Variants in GATA6 observed in about 807,000 individuals in gnomAD.
The protein encoded by GATA6 is GATA binding protein 6.
GATA6 carries 11 observed loss-of-function variants against 48.1 expected under a neutral mutation model. The observed-to-expected ratio is 0.23, with a 90% CI of 0.14 to 0.38. The LOEUF is 0.38. GATA6 is among the 10% of genes least tolerant of loss of function. GATA6 has a pLI of 1.00. For synonymous variants in GATA6, 419 were observed against 396.1 expected, an observed-to-expected ratio of 1.06 and a Z score of -0.69; for missense variants, 795 against 850.3, an observed-to-expected ratio of 0.93 and a Z score of 0.81.
rs140978504 is a variant in GATA6, at chr18:22,187,107, G to A, written c.1620+4064G>A. ...ATGGTTGCTTTCTGTGGCAAAAATA[G>A]TCTTTCTTTCTGGCTAAGAATTTTC... On this transcript the variant is annotated intron_variant, in intron 6 of 6. Transcript: ENST00000269216. 5.0e-3 allele frequency among the ~76,000 whole-genome samples: 758 copies of A among 152,302 alleles called. 9 individuals are homozygous for A. The highest frequency in any genetic ancestry group is 0.017 in the African/African-American group (722 of 41,564).
intron 6 of GATA6, among the ~76,000 whole-genome samples, chr18:22,187,701 C>T (rs2033279727): frequency 6.6e-6 from 1 of 152,036 alleles, no homozygotes; most frequent in Non-Finnish European, 1.5e-5. Context: ...CCTCCTATAA[C>T]TCAAAATTTG....
intron 2 of GATA6, among the ~76,000 whole-genome samples, chr18:22,175,183 C>T (rs996861466): frequency 1.3e-5 from 2 of 151,988 alleles, no homozygotes; most frequent in Non-Finnish European, 2.9e-5. Context: ...ATTATAGCTG[C>T]CTGGTGGGTT....
In GATA6 at chr18:22,171,471, G is replaced by T; in HGVS notation, c.327G>T (p.Trp109Cys). ...GCCCCGGGGGCAACCTGTCGAGCTG[G>T]GAGGACTTGCTGCTGTTCACTGACC... Reference protein sequence around the residue: ...VAGPGGNLSSWEDLLLFTDLD... With the variant: ...VAGPGGNLSSCEDLLLFTDLD... Residue 109 changes from tryptophan to cysteine, a missense_variant, in exon 2 of 7, where the codon TGG becomes TGT. Physicochemically the swap from Trp to Cys is radical, Grantham distance 215. This residue lies in a region of GATA6 where 591 missense variants were observed against 570.0 expected (regional missense o/e 1.04). Transcript: ENST00000269216. The surrounding 1 kb of genome is among the most constrained non-coding windows in gnomAD (Gnocchi z 7.1). The T allele has an allele frequency of 6.2e-7, 1 of 1,600,322 alleles. No homozygotes were observed.
At chr18:22,178,282 G>A (rs979344022) in intron 3 of GATA6, among the ~76,000 whole-genome samples, 30 of 152,076 alleles carry the variant, frequency 2.0e-4, no homozygotes, top group African/African-American at 6.5e-4. Context: ...TTTAAAGTAA[G>A]GGAATCCTGA....
chr18:22,187,183 T>C (rs995702924), intron 6 of GATA6, among the ~76,000 whole-genome samples: 4 of 152,238 alleles, frequency 2.6e-5, no homozygotes, highest in Non-Finnish European at 5.9e-5. Flanking sequence ...TCTAAATAGA[T>C]ATCAGTTTTT....
intron 3 of GATA6, among the ~76,000 whole-genome samples, chr18:22,180,684 T>G (rs1446515441): frequency 6.6e-6 from 1 of 151,744 alleles, no homozygotes; most frequent in Non-Finnish European, 1.5e-5. Flanking sequence ...TTTCTTTTTT[T>G]TTTTTAAAAA....
At position 22,171,156 on chromosome 18, in the gene GATA6, T is replaced by C. The variant is rs746156401; in HGVS notation, c.12T>C (p.Thr4=). 6.2e-7 allele frequency: 1 copy of C among 1,600,082 alleles called. No homozygotes were observed. The highest frequency in any genetic ancestry group is 1.1e-5 in the South Asian group (1 of 90,956). ...GCGCCGGACCGTGGATGGCCTTGAC[T>C]GACGGCGGCTGGTGCTTGCCGAAGC... The part of the protein sequence containing the change: MAL[T]DGGWCLPKRF... Residue 4 remains threonine, a synonymous_variant, in exon 2 of 7, where the codon ACT becomes ACC. Transcript: ENST00000269216. This position sits in a 1 kb window ranked among gnomAD's most constrained non-coding sequence, Gnocchi z 7.1.
chr18:22,177,052 C>T lies in GATA6; in HGVS notation c.1233C>T (p.Cys411=). 1 of 1,576,696 alleles carries T rather than the reference C, an allele frequency of 6.3e-7. No individual in the cohort carries two copies. The highest frequency in any genetic ancestry group is 8.6e-7 in the Non-Finnish European group (1 of 1,162,938). ...GGGACGGCACCGGCCACTACCTGTG[C>T]AACGCCTGCGGGCTCTACAGCAAGA... ...WRRDGTGHYL[C]NACGLYSKMN... is the part of the protein sequence containing the mutation. Residue 411 remains cysteine (C), a synonymous_variant, in exon 3 of 7, where the codon TGC becomes TGT. Transcript: ENST00000269216.
rs951413448 is a variant in GATA6 at position 22,172,534 on chromosome 18, T to C, written c.1135+255T>C. ...CCACGGATGAGACTAAATGCACATC[T>C]GTACCTTCGTGCCTTGGGGAAGCTC... On this transcript the variant is annotated intron_variant, in intron 2 of 6. Coordinates refer to ENST00000269216, the MANE Select transcript of GATA6 (RefSeq NM_005257.6). The surrounding 1 kb of genome is among the most constrained non-coding windows in gnomAD (Gnocchi z 5.2). Among the ~76,000 whole-genome samples the C allele has an allele frequency of 6.6e-6, 1 of 152,230 alleles. No homozygotes were observed. Among genetic ancestry groups the C allele is most frequent in the Non-Finnish European group, 1.5e-5 (1 of 68,038 alleles).
Position 22,172,721 on chromosome 18 carries a change from C to A in GATA6, c.1135+442C>A, listed in dbSNP as rs950120932. On this transcript the variant is annotated intron_variant, in intron 2 of 6. Coordinates refer to ENST00000269216, the MANE Select transcript of GATA6 (RefSeq NM_005257.6). This position sits in a 1 kb window ranked among gnomAD's most constrained non-coding sequence, Gnocchi z 5.2. The stretch of plus-strand genomic sequence containing the variant: ...AGAGTGGCGGGCACTTGATCCACCC[C>A]CAAACAGACACACAAGCACATGCAG... Among the ~76,000 whole-genome samples, 1 of 152,178 alleles carries A rather than the reference C, an allele frequency of 6.6e-6. No homozygotes were observed. The highest frequency in any genetic ancestry group is 1.5e-5 in the Non-Finnish European group (1 of 68,038).
intron 6 of GATA6, among the ~76,000 whole-genome samples, chr18:22,187,193 T>C (rs565683406): frequency 6.6e-6 from 1 of 152,326 alleles, no homozygotes; most frequent in South Asian, 2.1e-4. Context: ...TATCAGTTTT[T>C]CTTTGGGCTG....
intron 1 of GATA6, 42 bp downstream of exon 1, chr18:22,169,724 C>A (rs985253073): frequency 1.3e-5 from 2 of 152,276 alleles, no homozygotes; most frequent in African/African-American, 2.4e-5. Flanking sequence ...CGCTTTCCTC[C>A]CCTCCACCCC....
chr18:22,187,673 C>T (rs2033279305), intron 6 of GATA6, among the ~76,000 whole-genome samples: 1 of 151,880 alleles, frequency 6.6e-6, no homozygotes, highest in Non-Finnish European at 1.5e-5. Flanking sequence ...CACAAATGGT[C>T]CTACTCCTCC....
At chr18:22,176,902 A>G in intron 2 of GATA6, 53 bp from the exon 3 acceptor site, 1 of 1,507,656 alleles carries the variant, frequency 6.6e-7, no homozygotes, top group East Asian at 2.6e-5. Flanking sequence ...TGACGCGGGG[A>G]GGGACGGGTC....
intron 6 of GATA6, among the ~76,000 whole-genome samples, chr18:22,191,124 A>G (rs1009523522): frequency 6.6e-6 from 1 of 151,334 alleles, no homozygotes; most frequent in Non-Finnish European, 1.5e-5. Context: ...TGCTACATCA[A>G]TATCCAATGG....
intron 6 of GATA6, among the ~76,000 whole-genome samples, chr18:22,190,364 AC>A (rs1360603422): frequency 6.6e-6 from 1 of 152,246 alleles, no homozygotes; most frequent in African/African-American, 2.4e-5. Flanking sequence ...AGATTGCCAT[AC>A]TGAAATCCTT....
chr18:22,200,415 T>G (rs976494898), intron 6 of GATA6, among the ~76,000 whole-genome samples: 1 of 152,190 alleles, frequency 6.6e-6, no homozygotes, highest in African/African-American at 2.4e-5. Context: ...TTCTAAAGTT[T>G]CGAAGGCTTA....
chr18:22,185,008 T>C lies in GATA6; in HGVS notation c.1620+1965T>C, dbSNP rs1377472755. On this transcript the variant is annotated intron_variant, in intron 6 of 6. Transcript: ENST00000269216. This position sits in a 1 kb window ranked among gnomAD's most constrained non-coding sequence, Gnocchi z 4.3. ...GAATGATAAATTGCACTGAGGTCGA[T>C]ATATACCCAACAATGGGCTTCGGGG... 6.6e-6 allele frequency among the ~76,000 whole-genome samples: 1 copy of C among 152,186 alleles called. No individual in the cohort carries two copies. The highest frequency in any genetic ancestry group is 1.5e-5 in the Non-Finnish European group (1 of 68,026).
At chr18:22,180,453 G>A (rs1158974797) in intron 3 of GATA6, among the ~76,000 whole-genome samples, 1 of 152,060 alleles carries the variant, frequency 6.6e-6, no homozygotes, top group Non-Finnish European at 1.5e-5. Flanking sequence ...CAGACAGGTG[G>A]CCTTTTACCT....
Sources: allele counts gnomAD v4.1 joint callset (sites outside exome capture counted in the v4.1 genomes callset), GRCh38; gene constraint gnomAD v4.1.1; regional missense constraint gnomAD v4.1.1; non-coding constraint Gnocchi (gnomAD v3.1); transcripts MANE v1.5; gene names NCBI Gene and HGNC (gene_info 2026-07-23, HGNC 2026-07-21).